The following SLCO1A2 variants were observed in gnomAD, a reference collection of about 807,000 sequenced individuals.
SLCO1A2 encodes the protein OATP-1.
In SLCO1A2, 67 loss-of-function variants were observed where a neutral mutation model predicts 69.0. The observed-to-expected ratio is 0.97, with a 90% confidence interval of 0.80 to 1.19. The LOEUF (loss-of-function observed/expected upper bound fraction) is 1.19, where lower values mean the gene tolerates loss of function less well. Among genes scored for constraint, SLCO1A2 ranks in the 50% most tolerant of loss-of-function variants. The pLI is 0.00. For missense variants in SLCO1A2, 787 were observed against 793.7 expected (o/e 0.99, Z 0.10); for synonymous variants, 260 against 265.9 (o/e 0.98, Z 0.22).
chr12:21,281,554 C>T (rs565446826), intron 12 of SLCO1A2, among the ~76,000 whole-genome samples: 4 of 151,350 alleles, frequency 2.6e-5, no homozygotes, highest in African/African-American at 9.7e-5. Context: ...TAATAAAGAT[C>T]GGAGTAGAAA....
At chr12:21,271,140 G>T (rs1351503679) in intron 14 of SLCO1A2, among the ~76,000 whole-genome samples, 2 of 151,734 alleles carry the variant, frequency 1.3e-5, no homozygotes, top group Non-Finnish European at 3.0e-5. Context: ...AGGTCACATT[G>T]TGAAGTTCTG....
At chr12:21,418,671 T>C (rs1942028011), upstream of SLCO1A2, among the ~76,000 whole-genome samples, 2 of 151,962 alleles carry the variant, frequency 1.3e-5, no homozygotes, top group South Asian at 4.1e-4. Context: ...GATTCAATTA[T>C]CTCCCACCGG....
chr12:21,299,954 ATATG>A (rs1159605980), intron 8 of SLCO1A2, among the ~76,000 whole-genome samples: 12 of 149,032 alleles, frequency 8.1e-5, no homozygotes, highest in East Asian at 2.0e-4. Flanking sequence ...TCTCATATAT[ATATG>A]TGTGTGTGTA....
At chr12:21,308,372 C>CT (rs1312502562) in intron 4 of SLCO1A2, among the ~76,000 whole-genome samples, 1 of 152,172 alleles carries the variant, frequency 6.6e-6, no homozygotes, top group African/African-American at 2.4e-5. Context: ...AAGTGCAACT[C>CT]TAAGTGCCTG....
At chr12:21,301,114 A>G in intron 7 of SLCO1A2, 57 bp downstream of exon 7, 1 of 1,066,966 alleles carries the variant, frequency 9.4e-7, no homozygotes, top group South Asian at 1.7e-5. Flanking sequence ...ATATGATAAC[A>G]TACCTGAGAT....
intron 1 of SLCO1A2, among the ~76,000 whole-genome samples, chr12:21,391,478 G>A (rs1198233748): frequency 6.6e-6 from 1 of 152,076 alleles, no homozygotes; most frequent in Non-Finnish European, 1.5e-5. Context: ...TATAATCCTG[G>A]TGTCTTTCTG....
intron 6 of SLCO1A2, among the ~76,000 whole-genome samples, chr12:21,301,476 C>T (rs551540919): frequency 1.5e-3 from 230 of 152,250 alleles, no homozygotes; most frequent in Non-Finnish European, 2.7e-3. Flanking sequence ...TTTAAAGCCA[C>T]TTTCCCTGGC....
intron 1 of SLCO1A2, among the ~76,000 whole-genome samples, chr12:21,383,932 T>C (rs1448592515): frequency 6.6e-6 from 1 of 150,460 alleles, no homozygotes; most frequent in Non-Finnish European, 1.5e-5. Context: ...CTAGGAATAA[T>C]GAAAAAACAA....
intron 2 of SLCO1A2, among the ~76,000 whole-genome samples, chr12:21,366,431 A>G (rs996145007): frequency 1.3e-5 from 2 of 152,030 alleles, no homozygotes; most frequent in South Asian, 2.1e-4. Flanking sequence ...GCATTAGGAG[A>G]TATACCTAAT....
intron 12 of SLCO1A2, among the ~76,000 whole-genome samples, chr12:21,289,730 G>A (rs1401506595): frequency 1.3e-5 from 2 of 150,108 alleles, no homozygotes; most frequent in Non-Finnish European, 1.5e-5. Flanking sequence ...TTAATGCATC[G>A]TTTGTCAGTC....
intron 1 of SLCO1A2, among the ~76,000 whole-genome samples, chr12:21,385,968 A>G (rs1940857936): frequency 6.6e-6 from 1 of 152,232 alleles, no homozygotes; most frequent in South Asian, 2.1e-4. Flanking sequence ...GAGTACCCAG[A>G]TATTCAAACT....
At chr12:21,290,719 G>A (rs1946713615) in intron 12 of SLCO1A2, among the ~76,000 whole-genome samples, 1 of 152,012 alleles carries the variant, frequency 6.6e-6, no homozygotes, top group Admixed American at 6.6e-5. Context: ...TAAAATTTAA[G>A]GGAATATTTT....
At chr12:21,363,979 C>A (rs530137077) in intron 2 of SLCO1A2, among the ~76,000 whole-genome samples, 208 of 152,302 alleles carry the variant, frequency 1.4e-3, no homozygotes, top group African/African-American at 4.5e-3. Flanking sequence ...AAAAGAGGAG[C>A]TGGTACCATT....
At position 21,269,508 on chromosome 12, in the gene SLCO1A2, C is replaced by CA. The variant is rs754122158; in HGVS notation, c.*39dup. On this transcript the variant is annotated 3_prime_UTR_variant, in exon 15 of 15. Transcript: ENST00000683939. ...TTTTTAAAACAATTAAGTTGTACAG[C>CA]ATGTTCTCTAATTCTGAAAAAAGTA... 2 of 1,438,212 alleles carry CA rather than the reference C, an allele frequency of 1.4e-6. No individual in the cohort carries two copies. The highest frequency in any genetic ancestry group is 1.9e-6 in the Non-Finnish European group (2 of 1,029,446). 89.1% of individuals were successfully genotyped at this position (1,438,212 alleles called of 1,614,324 possible). A position where few individuals can be genotyped will look rare whatever the true frequency, so the allele number is the denominator to read the frequency against.
chr12:21,312,826 C>A (rs968104357), intron 4 of SLCO1A2, among the ~76,000 whole-genome samples: 1 of 152,142 alleles, frequency 6.6e-6, no homozygotes, highest in Non-Finnish European at 1.5e-5. Flanking sequence ...GTAATCCCAA[C>A]ATTTTGAGAG....
At chr12:21,299,059 C>A (rs1353609397) in intron 8 of SLCO1A2, among the ~76,000 whole-genome samples, 3 of 148,758 alleles carry the variant, frequency 2.0e-5, no homozygotes, top group African/African-American at 5.2e-5. Context: ...TACCTTCACA[C>A]AACAATTCTA....
At position 21,292,230 on chromosome 12, in the gene SLCO1A2, A is replaced by T. The variant is rs1344082528; in HGVS notation, c.1544T>A (p.Ile515Asn). The T allele has an allele frequency of 3.7e-6, 6 of 1,613,178 alleles. No individual in the cohort carries two copies. The South Asian group carries it at 6.6e-5, about 18-fold the overall frequency. Residue 515 changes from isoleucine to asparagine, a missense_variant, in exon 12 of 15, where the codon ATC (isoleucine) becomes AAC (asparagine). Transcript: ENST00000683939. ...DCSLMLQYFL[I>N]LSAMSSFIYS... ...AATGAAACTGCTCATCGCTGACAAGATTAGGAAGTACTGGAGCATCAAGGA... is the reference window on the plus strand; with the variant it reads ...AATGAAACTGCTCATCGCTGACAAGTTTAGGAAGTACTGGAGCATCAAGGA...
chr12:21,361,619 T>A (rs1034209085), intron 2 of SLCO1A2, among the ~76,000 whole-genome samples: 3 of 152,130 alleles, frequency 2.0e-5, no homozygotes, highest in Non-Finnish European at 4.4e-5. Flanking sequence ...TGTTTGAACC[T>A]ATCACAAAGA....
At chr12:21,284,626 T>C (rs1342425821) in intron 12 of SLCO1A2, among the ~76,000 whole-genome samples, 2 of 147,136 alleles carry the variant, frequency 1.4e-5, no homozygotes, top group East Asian at 4.0e-4. Context: ...CCTCAGCAAA[T>C]GTAAAAGAAC....
Sources: allele counts gnomAD v4.1 joint callset (sites outside exome capture counted in the v4.1 genomes callset), GRCh38; gene constraint gnomAD v4.1.1; transcripts MANE v1.5; gene names NCBI Gene and HGNC (gene_info 2026-07-23, HGNC 2026-07-21).